Variants in USP49 observed in about 807,000 individuals in gnomAD.
The protein encoded by USP49 is ubiquitin carboxyl-terminal hydrolase 49.
In USP49, 24 loss-of-function variants were observed where a neutral mutation model predicts 58.6. The observed-to-expected ratio is 0.41, with a 90% CI of 0.30 to 0.58. The LOEUF (loss-of-function observed/expected upper bound fraction) is 0.58, where lower values mean the gene tolerates loss of function less well. Ranked by LOEUF, USP49 falls within the 20% of genes least tolerant of loss-of-function variation. The probability of loss-of-function intolerance (pLI) is 0.30; values close to 1 mark genes in which losing one functional copy is unlikely to be tolerated. For missense variants in USP49, 703 were observed against 866.1 expected, an observed-to-expected ratio of 0.81 and a Z score of 2.36; for synonymous variants, 408 against 365.1, an observed-to-expected ratio of 1.12 and a Z score of -1.34.
At position 41,885,798 on chromosome 6, in the gene USP49, G is replaced by GA. The variant is rs377599685; in HGVS notation, c.-103+5995dup. 4.1e-4 allele frequency among the ~76,000 whole-genome samples: 62 copies of GA among 150,350 alleles called. No individual in the cohort carries two copies. The South Asian group carries it at 5.0e-3, about 12-fold the overall frequency. On this transcript the variant is annotated intron_variant, in intron 2 of 7. Coordinates refer to ENST00000682992, the MANE Select transcript of USP49 (RefSeq NM_001286554.2). ...GGGACAGAGTGAGACTCTGTCTCAG[G>GA]AAAAAAAAAGAGAGAGTCTCCCACC...
At chr6:41,820,180 AGTTTT>A (rs1309566778) in intron 3 of USP49, among the ~76,000 whole-genome samples, 2 of 70,902 alleles carry the variant, frequency 2.8e-5, no homozygotes, top group African/African-American at 9.0e-5. Context: ...CTACATCATT[AGTTTT>A]TTTTTTTTTT....
intron 2 of USP49, among the ~76,000 whole-genome samples, chr6:41,875,072 T>C (rs908605850): frequency 3.9e-5 from 6 of 152,166 alleles, no homozygotes; most frequent in Non-Finnish European, 8.8e-5. Context: ...CATTCTTTGA[T>C]AGCTCCCTAA....
At chr6:41,889,734 A>G (rs1182897505) in intron 2 of USP49, among the ~76,000 whole-genome samples, 1 of 152,224 alleles carries the variant, frequency 6.6e-6, no homozygotes, top group Non-Finnish European at 1.5e-5. Context: ...AAAATTAAAC[A>G]CAAACTAAAC....
At chr6:41,832,409 A>C (rs73424085) in intron 3 of USP49, among the ~76,000 whole-genome samples, 357 of 152,340 alleles carry the variant, frequency 2.3e-3, no homozygotes, top group African/African-American at 7.7e-3. Context: ...CAAATGCCTA[A>C]GTCCTAGTAT....
chr6:41,878,964 T>C (rs1356401022), intron 2 of USP49, among the ~76,000 whole-genome samples: 1 of 152,222 alleles, frequency 6.6e-6, no homozygotes, highest in Non-Finnish European at 1.5e-5. Context: ...CTAGTAACCC[T>C]AAATCGGTGG....
rs550251894 is a variant in USP49, at chr6:41,806,023, T to C, written c.961A>G (p.Arg321Gly). The change falls in exon 4 of 8, where the codon AGG becomes GGG. Residue 321 changes from arginine to glycine, a missense_variant. By Grantham distance (125) the Arg-to-Gly change is moderately radical. Around this residue, in one of 6 missense-constraint regions of USP49, gnomAD observed 97 missense variants for 88.0 expected, o/e 1.10. Coordinates refer to ENST00000682992, the MANE Select transcript of USP49 (RefSeq NM_001286554.2). The surrounding 1 kb of genome is among the most constrained non-coding windows in gnomAD (Gnocchi z 5.9). Reference protein sequence around the residue: ...SATELSLRNDRAEACEREGFC... With the variant: ...SATELSLRNDGAEACEREGFC... The stretch of plus-strand genomic sequence containing the variant: ...CCCTCCCGCTCGCATGCCTCGGCCC[T>C]GTCATTTCTCAAGGACAGCTCCGTG... 1.9e-6 allele frequency: 3 copies of C among 1,613,984 alleles called. No individual in the cohort carries two copies. In the Admixed American group the frequency reaches 5.0e-5, roughly 27 times the overall value.
At chr6:41,881,316 A>AAAAAAAC in intron 2 of USP49, among the ~76,000 whole-genome samples, 1 of 129,324 alleles carries the variant, frequency 7.7e-6, no homozygotes, top group Non-Finnish European at 1.7e-5. Flanking sequence ...AAAAAAAAAA[A>AAAAAAAC]AAAGCCCAGC....
At chr6:41,804,541 C>T (rs755375623) in intron 4 of USP49, among the ~76,000 whole-genome samples, 1 of 152,198 alleles carries the variant, frequency 6.6e-6, no homozygotes, top group Non-Finnish European at 1.5e-5. Context: ...CCCAGGTGCA[C>T]CTTTCTTCCT....
chr6:41,808,278 T>G (rs1773179101), intron 3 of USP49, among the ~76,000 whole-genome samples: 1 of 152,076 alleles, frequency 6.6e-6, no homozygotes, highest in African/African-American at 2.4e-5. Context: ...CTGATATATA[T>G]GAAAATGCTT....
chr6:41,815,787 C>A (rs1773339034), intron 3 of USP49, among the ~76,000 whole-genome samples: 1 of 152,168 alleles, frequency 6.6e-6, no homozygotes, highest in South Asian at 2.1e-4. Flanking sequence ...TGTGCCAGAG[C>A]CCTTGTGAGG....
At chr6:41,858,326 C>T (rs536503267) in intron 3 of USP49, among the ~76,000 whole-genome samples, 1 of 152,270 alleles carries the variant, frequency 6.6e-6, no homozygotes, top group African/African-American at 2.4e-5. Context: ...CTGCTTTATT[C>T]TTTTAAATTA....
intron 2 of USP49, among the ~76,000 whole-genome samples, chr6:41,888,244 A>G (rs1408385367): frequency 1.3e-5 from 2 of 151,858 alleles, no homozygotes. Flanking sequence ...TAGCAGAGAC[A>G]GGGTTTCACT....
At chr6:41,804,276 G>T (rs961940044) in intron 4 of USP49, among the ~76,000 whole-genome samples, 1 of 152,014 alleles carries the variant, frequency 6.6e-6, no homozygotes, top group Non-Finnish European at 1.5e-5. Context: ...CCCAAAATAT[G>T]CTCTACCATT....
intron 3 of USP49, among the ~76,000 whole-genome samples, chr6:41,813,302 C>T (rs1395034287): frequency 6.6e-6 from 1 of 152,110 alleles, no homozygotes; most frequent in Non-Finnish European, 1.5e-5. Context: ...CCATTTTAGC[C>T]TTGATGTGTC....
At chr6:41,814,951 C>G (rs1432268296) in intron 3 of USP49, among the ~76,000 whole-genome samples, 1 of 152,092 alleles carries the variant, frequency 6.6e-6, no homozygotes, top group African/African-American at 2.4e-5. Context: ...TTACATCTAC[C>G]ACAAAACCTG....
At chr6:41,883,831 C>CA (rs982028068) in intron 2 of USP49, among the ~76,000 whole-genome samples, 4 of 151,682 alleles carry the variant, frequency 2.6e-5, no homozygotes, top group South Asian at 2.1e-4. Flanking sequence ...TGAGAATTCT[C>CA]AAACATGTCC....
chr6:41,813,054 T>C (rs1441497283), intron 3 of USP49, among the ~76,000 whole-genome samples: 1 of 152,224 alleles, frequency 6.6e-6, no homozygotes, highest in African/African-American at 2.4e-5. Context: ...TACTGAGCAC[T>C]TGAAATGTGC....
intron 2 of USP49, among the ~76,000 whole-genome samples, chr6:41,876,181 T>G (rs1481005089): frequency 6.6e-6 from 1 of 152,200 alleles, no homozygotes; most frequent in Non-Finnish European, 1.5e-5. Flanking sequence ...ATCCCCTCAG[T>G]GCCTCAAGAT....
At chr6:41,856,393 G>T (rs547490910) in intron 3 of USP49, among the ~76,000 whole-genome samples, 112 of 151,550 alleles carry the variant, frequency 7.4e-4, no homozygotes, top group Middle Eastern at 3.4e-3. Context: ...AAAAAAACTT[G>T]TAATATTAAT....
Sources: allele counts gnomAD v4.1 joint callset (sites outside exome capture counted in the v4.1 genomes callset), GRCh38; gene constraint gnomAD v4.1.1; regional missense constraint gnomAD v4.1.1; non-coding constraint Gnocchi (gnomAD v3.1); transcripts MANE v1.5; gene names NCBI Gene and HGNC (gene_info 2026-07-23, HGNC 2026-07-21).